The following CSMD1 variants were observed in gnomAD, a reference collection of about 807,000 sequenced individuals.
CSMD1 encodes CUB and sushi domain-containing protein 1.
A neutral mutation model predicts 417.5 loss-of-function variants in CSMD1; 213 were observed. The ratio of observed to expected loss-of-function variants is 0.51; its 90% CI spans 0.46 to 0.57. The LOEUF (loss-of-function observed/expected upper bound fraction) is 0.57, where lower values mean the gene tolerates loss of function less well. Ranked by LOEUF, CSMD1 falls within the 20% of genes least tolerant of loss-of-function variation. The pLI is 0.00. For synonymous variants in CSMD1, 2,862 were observed against 1,736.8 expected (o/e 1.65, Z -16.11); for missense variants, 6,923 against 4,529.7 (o/e 1.53, Z -15.17).
chr8:3,181,316 G>T (rs11785463), intron 36 of CSMD1, 102 bp from the exon 37 acceptor site: 1 of 756,914 alleles, frequency 1.3e-6, no homozygotes, highest in African/African-American at 1.7e-5. Flanking sequence ...AATCCCTACA[G>T]TTTGTCTGAT....
intron 7 of CSMD1, among the ~76,000 whole-genome samples, chr8:3,634,396 T>A (rs1208009447): frequency 1.3e-5 from 2 of 152,164 alleles, no homozygotes; most frequent in Admixed American, 1.3e-4. Context: ...TCAGGAGAGC[T>A]TCTGTGGTCT....
intron 31 of CSMD1, among the ~76,000 whole-genome samples, chr8:3,204,171 G>C (rs1797126679): frequency 6.6e-6 from 1 of 152,184 alleles, no homozygotes; most frequent in Non-Finnish European, 1.5e-5. Flanking sequence ...GATCGTTTGT[G>C]TGATTAAACT....
intron 10 of CSMD1, among the ~76,000 whole-genome samples, chr8:3,557,785 G>C (rs919636955): frequency 6.6e-6 from 1 of 152,190 alleles, no homozygotes; most frequent in African/African-American, 2.4e-5. Context: ...GCCTAGGACA[G>C]ATAGAGTCTT....
intron 2 of CSMD1, among the ~76,000 whole-genome samples, chr8:4,454,117 C>T (rs754296444): frequency 6.6e-6 from 1 of 152,096 alleles, no homozygotes; most frequent in Non-Finnish European, 1.5e-5. Context: ...CCACTGTGCC[C>T]AGCCTGCAAT....
chr8:3,731,025 C>A (rs1162376159), intron 6 of CSMD1, among the ~76,000 whole-genome samples: 2 of 152,114 alleles, frequency 1.3e-5, no homozygotes, highest in Non-Finnish European at 2.9e-5. Context: ...CTACAGATAC[C>A]CATCACTCAG....
intron 10 of CSMD1, among the ~76,000 whole-genome samples, chr8:3,565,170 C>G (rs1454837152): frequency 1.0e-4 from 9 of 86,290 alleles, no homozygotes; most frequent in Non-Finnish European, 1.6e-4. Flanking sequence ...AGAGAGAGAT[C>G]AAGAAAGAAA....
chr8:4,441,284 G>A (rs75405335), intron 2 of CSMD1, among the ~76,000 whole-genome samples: 4 of 96,254 alleles, frequency 4.2e-5, no homozygotes, highest in Non-Finnish European at 4.3e-5. Context: ...TTTTTTTTTG[G>A]TGGGGGGAGT....
chr8:3,683,025 A>T (rs1271780683), intron 7 of CSMD1, among the ~76,000 whole-genome samples: 1 of 152,096 alleles, frequency 6.6e-6, no homozygotes, highest in Non-Finnish European at 1.5e-5. Flanking sequence ...GAAGGGGAAC[A>T]TCACACACCA....
Position 4,714,131 on chromosome 8 carries a change from C to T in CSMD1, c.86-76573G>A, listed in dbSNP as rs187023744. ...TTGCACTCCAGTCTGGGTGACAGAACGCGACTCTGTCTCAAAAAGAAAAAA... is the reference window on the plus strand; with the variant it reads ...TTGCACTCCAGTCTGGGTGACAGAATGCGACTCTGTCTCAAAAAGAAAAAA... On this transcript the variant is annotated intron_variant, in intron 1 of 69. Coordinates refer to ENST00000635120, the MANE Select transcript of CSMD1 (RefSeq NM_033225.6). 4.9e-3 allele frequency among the ~76,000 whole-genome samples: 743 copies of T among 151,972 alleles called. 9 individuals are homozygous for T. The highest frequency in any genetic ancestry group is 0.016 in the African/African-American group (662 of 41,394).
intron 12 of CSMD1, among the ~76,000 whole-genome samples, chr8:3,415,342 C>A (rs899952545): frequency 2.6e-5 from 4 of 152,090 alleles, no homozygotes; most frequent in Non-Finnish European, 4.4e-5. Context: ...TAAGAGATCC[C>A]TTGAACTTAT....
intron 4 of CSMD1, among the ~76,000 whole-genome samples, chr8:4,019,302 G>C (rs762643683): frequency 9.7e-4 from 147 of 152,150 alleles, no homozygotes; most frequent in African/African-American, 3.3e-3. Flanking sequence ...CTTATCACAG[G>C]CTTGGAATGT....
chr8:3,534,498 A>C (rs2117527016), intron 10 of CSMD1, among the ~76,000 whole-genome samples: 1 of 142,802 alleles, frequency 7.0e-6, no homozygotes, highest in South Asian at 2.2e-4. Flanking sequence ...ATAAGTAGAT[A>C]TTTTTGGCTT....
intron 10 of CSMD1, among the ~76,000 whole-genome samples, chr8:3,530,132 T>G (rs1173729348): frequency 6.6e-6 from 1 of 152,196 alleles, no homozygotes; most frequent in Non-Finnish European, 1.5e-5. Flanking sequence ...CAACTTGGTT[T>G]AAGTTCATTT....
At chr8:4,417,575 G>A (rs1223661431) in intron 3 of CSMD1, among the ~76,000 whole-genome samples, 1 of 151,958 alleles carries the variant, frequency 6.6e-6, no homozygotes, top group South Asian at 2.1e-4. Context: ...AAATCCAGTT[G>A]CCTTTATACG....
At chr8:4,335,931 A>C (rs1800142131) in intron 3 of CSMD1, among the ~76,000 whole-genome samples, 1 of 152,088 alleles carries the variant, frequency 6.6e-6, no homozygotes, top group South Asian at 2.1e-4. Flanking sequence ...AGGGAGCCCC[A>C]TATTGGAGGA....
chr8:4,275,777 C>G (rs1169208731), intron 3 of CSMD1, among the ~76,000 whole-genome samples: 2 of 152,120 alleles, frequency 1.3e-5, no homozygotes, highest in Non-Finnish European at 2.9e-5. Context: ...AGAATAAAAA[C>G]TCTAAAATGC....
rs575604008 is a variant in CSMD1, at chr8:2,972,276, T to C, written c.8923+841A>G. On this transcript the variant is annotated intron_variant, in intron 57 of 69. Coordinates refer to ENST00000635120, the MANE Select transcript of CSMD1 (RefSeq NM_033225.6). ...GGAAACTCAAGTTAAATTTCTCACATTGATAGTGTGTATGTGAGCTTACTC... is the reference window on the plus strand; with the variant it reads ...GGAAACTCAAGTTAAATTTCTCACACTGATAGTGTGTATGTGAGCTTACTC... 1.1e-4 allele frequency among the ~76,000 whole-genome samples: 17 copies of C among 152,310 alleles called. No homozygotes were observed. The South Asian group carries it at 2.1e-3, about 19-fold the overall frequency.
At chr8:4,621,125 C>T (rs2725008) in intron 2 of CSMD1, among the ~76,000 whole-genome samples, 25,419 of 151,898 alleles carry the variant, frequency 0.17, 2,266 homozygotes, top group Non-Finnish European at 0.19. Flanking sequence ...TAGGACCAGA[C>T]GTATTTCAGA....
intron 38 of CSMD1, among the ~76,000 whole-genome samples, chr8:3,160,591 T>A (rs1399329583): frequency 6.6e-6 from 1 of 152,178 alleles, no homozygotes; most frequent in Non-Finnish European, 1.5e-5. Context: ...CCTCCAATCT[T>A]TTTGCAGAGT....
Sources: allele counts gnomAD v4.1 joint callset (sites outside exome capture counted in the v4.1 genomes callset), GRCh38; gene constraint gnomAD v4.1.1; transcripts MANE v1.5; gene names NCBI Gene and HGNC (gene_info 2026-07-23, HGNC 2026-07-21).